The following CSMD1 variants were observed in gnomAD, a reference collection of about 807,000 sequenced individuals.
CSMD1 encodes the protein CUB and sushi domain-containing protein 1.
In CSMD1, 213 loss-of-function variants were observed where a neutral mutation model predicts 417.5. That is an observed-to-expected ratio of 0.51 (90% CI 0.46 to 0.57). The LOEUF (loss-of-function observed/expected upper bound fraction) is 0.57. CSMD1 is among the 20% of genes least tolerant of loss of function. The probability of loss-of-function intolerance (pLI) is 0.00; values close to 1 mark genes in which losing one functional copy is unlikely to be tolerated. For missense variants in CSMD1, 6,923 were observed against 4,529.7 expected, an observed-to-expected ratio of 1.53 and a Z score of -15.17; for synonymous variants, 2,862 against 1,736.8, an observed-to-expected ratio of 1.65 and a Z score of -16.11.
At chr8:3,967,551 G>A (rs907788323) in intron 5 of CSMD1, among the ~76,000 whole-genome samples, 1 of 152,166 alleles carries the variant, frequency 6.6e-6, no homozygotes, top group East Asian at 1.9e-4. Context: ...AAGCATGAGT[G>A]AGTTCAGCAA....
At chr8:4,703,778 G>C (rs373817376) in intron 1 of CSMD1, among the ~76,000 whole-genome samples, 7 of 152,212 alleles carry the variant, frequency 4.6e-5, no homozygotes, top group Admixed American at 2.6e-4. Context: ...AAAGCATTGG[G>C]ATACGAAGAG....
intron 2 of CSMD1, among the ~76,000 whole-genome samples, chr8:4,424,590 T>C (rs1346881304): frequency 2.0e-5 from 3 of 152,096 alleles, no homozygotes; most frequent in East Asian, 1.9e-4. Context: ...GTTGCTCTTA[T>C]ACTGCTGGTG....
At chr8:3,626,504 T>C (rs984525618) in intron 7 of CSMD1, among the ~76,000 whole-genome samples, 1 of 152,052 alleles carries the variant, frequency 6.6e-6, no homozygotes, top group Non-Finnish European at 1.5e-5. Context: ...ACATATATAG[T>C]TATAGTTAAA....
chr8:3,783,236 G>C (rs1413015435), intron 5 of CSMD1, among the ~76,000 whole-genome samples: 1 of 152,196 alleles, frequency 6.6e-6, no homozygotes, highest in Admixed American at 6.5e-5. Flanking sequence ...TGGTCAGGCC[G>C]ATACTGTGTA....
chr8:4,048,400 A>G (rs1798258653), intron 3 of CSMD1, among the ~76,000 whole-genome samples: 1 of 152,190 alleles, frequency 6.6e-6, no homozygotes, highest in African/African-American at 2.4e-5. Context: ...TAGACAAACC[A>G]CTGTGTACAT....
intron 1 of CSMD1, among the ~76,000 whole-genome samples, chr8:4,866,523 T>G (rs115343357): frequency 0.011 from 1,673 of 152,004 alleles, 43 homozygotes; most frequent in African/African-American, 0.038. Flanking sequence ...CCCCACAACA[T>G]AAGTGTTATT....
chr8:4,720,891 A>G (rs1357154423), intron 1 of CSMD1, among the ~76,000 whole-genome samples: 1 of 152,186 alleles, frequency 6.6e-6, no homozygotes, highest in Non-Finnish European at 1.5e-5. Flanking sequence ...TGGTACAAAC[A>G]TACCTGGTGA....
At chr8:4,181,962 G>GTT (rs1473087463) in intron 3 of CSMD1, among the ~76,000 whole-genome samples, 6 of 151,046 alleles carry the variant, frequency 4.0e-5, no homozygotes, top group African/African-American at 1.5e-4. Flanking sequence ...GTCTGCGTGT[G>GTT]TGTGTGTGTG....
chr8:4,282,264 G>A (rs1483437708), intron 3 of CSMD1, among the ~76,000 whole-genome samples: 1 of 152,100 alleles, frequency 6.6e-6, no homozygotes, highest in Non-Finnish European at 1.5e-5. Flanking sequence ...TAATCCATGT[G>A]AACCTGTCAT....
At chr8:4,269,212 A>C (rs531431424) in intron 3 of CSMD1, among the ~76,000 whole-genome samples, 1 of 152,028 alleles carries the variant, frequency 6.6e-6, no homozygotes, top group Non-Finnish European at 1.5e-5. Context: ...CCGAGCCACC[A>C]CACCCGGCTA....
At chr8:3,729,852 A>G (rs1018214006) in intron 6 of CSMD1, among the ~76,000 whole-genome samples, 1 of 147,906 alleles carries the variant, frequency 6.8e-6, no homozygotes, top group South Asian at 2.2e-4. Flanking sequence ...TATTCCATGT[A>G]TTGAAGCACG....
At chr8:3,836,857 G>C (rs981457338) in intron 5 of CSMD1, among the ~76,000 whole-genome samples, 1 of 151,914 alleles carries the variant, frequency 6.6e-6, no homozygotes. Flanking sequence ...TAAATGTTAA[G>C]TATTTAATAT....
chr8:4,596,718 A>G (rs1481783368), intron 2 of CSMD1, among the ~76,000 whole-genome samples: 1 of 152,190 alleles, frequency 6.6e-6, no homozygotes, highest in Non-Finnish European at 1.5e-5. Context: ...TTCATTTTGA[A>G]AGGAACAATA....
intron 65 of CSMD1, 45 bp from the exon 66 acceptor site, chr8:2,951,320 CAAT>C (rs1439119183): frequency 6.5e-7 from 1 of 1,545,066 alleles, no homozygotes; most frequent in Non-Finnish European, 8.7e-7. Flanking sequence ...CACACACAAA[CAAT>C]AAATTCAGAC....
intron 3 of CSMD1, among the ~76,000 whole-genome samples, chr8:4,179,082 A>G (rs1008984963): frequency 2.0e-5 from 3 of 152,136 alleles, no homozygotes; most frequent in African/African-American, 7.2e-5. Context: ...AACTACTTTA[A>G]AGTTCATATG....
At chr8:3,838,089 G>A (rs1483294794) in intron 5 of CSMD1, among the ~76,000 whole-genome samples, 1 of 152,082 alleles carries the variant, frequency 6.6e-6, no homozygotes, top group Non-Finnish European at 1.5e-5. Context: ...GAAAGCTGTA[G>A]CAGAAACTGG....
rs1805256594 is a variant in CSMD1, at chr8:3,868,430, A to G, written c.819-114388T>C. Among the ~76,000 whole-genome samples, 3 of 152,128 alleles carry G rather than the reference A, an allele frequency of 2.0e-5. No individual in the cohort carries two copies. In the South Asian group the frequency reaches 6.2e-4, roughly 32 times the overall value. ...GTCCACACAAGGGCAGCTGGGGGGC[A>G]GCTGTAAGCCGATCCCATGCCACCT... On this transcript the variant is annotated intron_variant, in intron 5 of 69. Transcript: ENST00000635120.
chr8:4,401,739 G>A (rs13280088), intron 3 of CSMD1, among the ~76,000 whole-genome samples: 1 of 152,130 alleles, frequency 6.6e-6, no homozygotes, highest in Non-Finnish European at 1.5e-5. Context: ...CATTCCACCT[G>A]AAGCTGGCGT....
intron 12 of CSMD1, among the ~76,000 whole-genome samples, chr8:3,464,122 C>G (rs529508148): frequency 6.6e-6 from 1 of 152,134 alleles, no homozygotes; most frequent in South Asian, 2.1e-4. Flanking sequence ...TCACCCCCTG[C>G]TGGAATGTAA....
Sources: gnomAD v4.1 joint callset for allele counts (sites outside exome capture counted in the v4.1 genomes callset) on GRCh38, gnomAD v4.1.1 for gene constraint, MANE v1.5 for transcripts, NCBI Gene and HGNC (gene_info 2026-07-23, HGNC 2026-07-21) for gene names.